The following LAMC1 variants were observed in gnomAD, a reference collection of about 807,000 sequenced individuals.
The protein encoded by LAMC1 is laminin subunit gamma-1.
A neutral mutation model predicts 173.6 loss-of-function variants in LAMC1; 38 were observed. The ratio of observed to expected loss-of-function variants is 0.22; its 90% confidence interval spans 0.17 to 0.29. The LOEUF (loss-of-function observed/expected upper bound fraction) is 0.29, where lower values mean the gene tolerates loss of function less well. LAMC1 is among the 10% of genes least tolerant of loss of function. LAMC1 has a pLI of 1.00. For missense variants in LAMC1, 1,824 were observed against 2,051.8 expected, an observed-to-expected ratio of 0.89 and a Z score of 2.14; for synonymous variants, 746 against 749.1, an observed-to-expected ratio of 1.00 and a Z score of 0.07.
chr1:183,082,931 A>G (rs1367445693), intron 1 of LAMC1, among the ~76,000 whole-genome samples: 1 of 152,164 alleles, frequency 6.6e-6, no homozygotes, highest in Non-Finnish European at 1.5e-5. Flanking sequence ...TAATGTTGTG[A>G]TATGGTGGAG....
intron 1 of LAMC1, among the ~76,000 whole-genome samples, chr1:183,042,884 C>CT (rs1313932392): frequency 6.6e-6 from 1 of 152,144 alleles, no homozygotes; most frequent in African/African-American, 2.4e-5. Flanking sequence ...GTCTATCTGC[C>CT]TCGGAGGAGC....
chr1:183,107,084 A>G (rs1336520555), intron 2 of LAMC1, among the ~76,000 whole-genome samples: 1 of 152,174 alleles, frequency 6.6e-6, no homozygotes, highest in Non-Finnish European at 1.5e-5. Context: ...CATAAAACCT[A>G]GGGAAAAACT....
chr1:183,052,878 TG>T (rs1324913168), intron 1 of LAMC1, among the ~76,000 whole-genome samples: 4 of 152,192 alleles, frequency 2.6e-5, no homozygotes, highest in Admixed American at 2.6e-4. Flanking sequence ...TCTCCCTTAC[TG>T]AAAAAAGCTA....
intron 1 of LAMC1, among the ~76,000 whole-genome samples, chr1:183,044,191 A>G (rs1316519907): frequency 1.3e-5 from 2 of 151,998 alleles, no homozygotes; most frequent in South Asian, 2.1e-4. Flanking sequence ...TTATTTTTTT[A>G]AAGTCAAACT....
chr1:183,091,749 T>G (rs1655572425), intron 1 of LAMC1, among the ~76,000 whole-genome samples: 1 of 152,128 alleles, frequency 6.6e-6, no homozygotes, highest in Non-Finnish European at 1.5e-5. Flanking sequence ...TCTTTTTGAG[T>G]GTACTGAAGC....
chr1:183,134,849 C>T (rs1656892695), intron 23 of LAMC1, 40 bp downstream of exon 23: 1 of 1,597,700 alleles, frequency 6.3e-7, no homozygotes, highest in Non-Finnish European at 8.5e-7. Context: ...CTTGAGGCAA[C>T]ATTTGAACAG....
At chr1:183,038,719 GCC>G (rs1201160465) in intron 1 of LAMC1, among the ~76,000 whole-genome samples, 1 of 152,118 alleles carries the variant, frequency 6.6e-6, no homozygotes, top group East Asian at 1.9e-4. Context: ...GGAATCTGCT[GCC>G]CACATGTTCT....
At chr1:183,090,484 T>C (rs1423793105) in intron 1 of LAMC1, among the ~76,000 whole-genome samples, 3 of 152,154 alleles carry the variant, frequency 2.0e-5, no homozygotes, top group Non-Finnish European at 4.4e-5. Flanking sequence ...AGGGGGTGTA[T>C]TCGTTTATAC....
chr1:183,040,726 T>C (rs535966659), intron 1 of LAMC1, among the ~76,000 whole-genome samples: 7 of 152,330 alleles, frequency 4.6e-5, no homozygotes, highest in Non-Finnish European at 8.8e-5. Flanking sequence ...TGACAGAGGC[T>C]GCTAGAGCTG....
At chr1:183,073,057 G>C (rs926411423) in intron 1 of LAMC1, among the ~76,000 whole-genome samples, 5 of 152,150 alleles carry the variant, frequency 3.3e-5, no homozygotes, top group Non-Finnish European at 5.9e-5. Context: ...TCCTGAAACC[G>C]GTTCCTGGTG....
chr1:183,126,167 G>A lies in LAMC1; in HGVS notation c.2849G>A (p.Arg950His), dbSNP rs1357088747. The change falls in exon 16 of 28, where the codon CGC becomes CAC. Residue 950 changes from arginine (R) to histidine (H), a missense_variant. Coordinates refer to ENST00000258341, the MANE Select transcript of LAMC1 (RefSeq NM_002293.4). ...TCCACCAATGGGCAGTGTGACATCC[G>A]CACCGGCCAGTGTGAGTGCCAGCCC... ...LGSTNGQCDI[R>H]TGQCECQPGI... The A allele has an allele frequency of 5.0e-6, 8 of 1,613,994 alleles. No homozygotes were observed. The Admixed American group carries it at 5.0e-5, about 10-fold the overall frequency.
intron 1 of LAMC1, among the ~76,000 whole-genome samples, chr1:183,070,646 C>T (rs1036803627): frequency 6.6e-6 from 1 of 152,046 alleles, no homozygotes; most frequent in East Asian, 1.9e-4. Context: ...AAACTTTACT[C>T]ATATTTTTTA....
Position 183,143,247 on chromosome 1 carries a change from A to G in LAMC1, c.*457A>G, listed in dbSNP as rs1657165032. On this transcript the variant is annotated 3_prime_UTR_variant, in exon 28 of 28. Coordinates refer to ENST00000258341, the MANE Select transcript of LAMC1 (RefSeq NM_002293.4). ...TTGTGATGGCCAGTATATCCAGTCC[A>G]TGGATAAAGAAAATGCATCTGCATC... The G allele has an allele frequency of 6.3e-6, 1 of 157,724 alleles. No individual in the cohort carries two copies. Among genetic ancestry groups the G allele is most frequent in the South Asian group, 1.9e-4 (1 of 5,304 alleles). 9.8% of individuals were successfully genotyped at this position (157,724 alleles called of 1,614,324 possible).
chr1:183,028,604 C>A (rs534942633), intron 1 of LAMC1, among the ~76,000 whole-genome samples: 4 of 152,204 alleles, frequency 2.6e-5, no homozygotes, highest in African/African-American at 4.8e-5. Context: ...TGATTGCATT[C>A]GTTCTTGCAG....
intron 8 of LAMC1, 38 bp from the exon 9 acceptor site, chr1:183,117,282 C>T: frequency 1.9e-6 from 3 of 1,577,280 alleles, no homozygotes. Flanking sequence ...AGGATGTTTA[C>T]AGTGTAAAGT....
At position 183,107,458 on chromosome 1, in the gene LAMC1, T is replaced by G. The variant is rs371337021; in HGVS notation, c.724-818T>G. On this transcript the variant is annotated intron_variant, in intron 2 of 27. Coordinates refer to ENST00000258341, the MANE Select transcript of LAMC1 (RefSeq NM_002293.4). ...TATTGGTTCAAGCCTAAGTAATGAT[T>G]TATTAGCGAGTACTTGAGCATCTCC... Among the ~76,000 whole-genome samples, 6 of 152,198 alleles carry G rather than the reference T, an allele frequency of 3.9e-5. No individual in the cohort carries two copies. In the East Asian group the frequency reaches 1.2e-3, roughly 29 times the overall value.
chr1:183,038,267 C>A (rs906959392), intron 1 of LAMC1, among the ~76,000 whole-genome samples: 74 of 152,104 alleles, frequency 4.9e-4, no homozygotes, highest in African/African-American at 1.7e-3. Context: ...AACTCCTGAC[C>A]TCAGGTGAGT....
chr1:183,100,862 G>GA (rs1255239073), intron 1 of LAMC1, among the ~76,000 whole-genome samples: 1 of 152,206 alleles, frequency 6.6e-6, no homozygotes, highest in East Asian at 1.9e-4. Flanking sequence ...ATTGGCATAA[G>GA]AAAGGTAGCC....
At position 183,144,040 on chromosome 1, in the gene LAMC1, G is replaced by C. The variant is rs1481068236; in HGVS notation, c.*1250G>C. The C allele has an allele frequency of 6.6e-6, 1 of 152,452 alleles. No homozygotes were observed. The highest frequency in any genetic ancestry group is 1.9e-4 in the East Asian group (1 of 5,160). 9.4% of individuals were successfully genotyped at this position (152,452 alleles called of 1,614,324 possible). On this transcript the variant is annotated 3_prime_UTR_variant, in exon 28 of 28. Transcript: ENST00000258341. The stretch of plus-strand genomic sequence containing the variant: ...TAAACCTTCCCTCTAAGTGTAGAGG[G>C]AAGACCCTTACGTGGAGTTTCCTAG...
Sources: gnomAD v4.1 joint callset for allele counts (sites outside exome capture counted in the v4.1 genomes callset) on GRCh38, gnomAD v4.1.1 for gene constraint, MANE v1.5 for transcripts, NCBI Gene and HGNC (gene_info 2026-07-23, HGNC 2026-07-21) for gene names.